The following PHF12 variants were observed in gnomAD, a reference collection of about 807,000 sequenced individuals.
The protein encoded by PHF12 is PHD finger protein 12, also known as PHD factor 1.
PHF12 carries 6 observed loss-of-function variants against 99.8 expected under a neutral mutation model. The ratio of observed to expected loss-of-function variants is 0.06; its 90% CI spans 0.03 to 0.12. PHF12 has a LOEUF of 0.12. Ranked by LOEUF, PHF12 falls within the 10% of genes least tolerant of loss-of-function variation. The pLI is 1.00. For missense variants in PHF12, 954 were observed against 1,300.1 expected (o/e 0.73, Z 4.09); for synonymous variants, 480 against 514.9 (o/e 0.93, Z 0.92).
chr17:28,912,365 A>G, intron 9 of PHF12, 117 bp downstream of exon 9: 1 of 1,433,946 alleles, frequency 7.0e-7, no homozygotes, highest in South Asian at 1.6e-5. Context: ...TAAGACAAAC[A>G]ATACAAAGGC....
Position 28,950,753 on chromosome 17 carries a change from G to A in PHF12, c.66+142C>T, listed in dbSNP as rs2040795718. 2 of 1,231,424 alleles carry A rather than the reference G, an allele frequency of 1.6e-6. No individual in the cohort carries two copies. Among genetic ancestry groups the A allele is most frequent in the Non-Finnish European group, 2.2e-6 (2 of 915,128 alleles). The allele number at this position is 1,231,424 out of a possible 1,614,324, so 76.3% of individuals were successfully genotyped here. A position where few individuals can be genotyped will look rare whatever the true frequency, so the allele number is the denominator to read the frequency against. On this transcript the variant is annotated intron_variant, in intron 1 of 14. Coordinates refer to ENST00000332830, the MANE Select transcript of PHF12 (RefSeq NM_001033561.2). The surrounding 1 kb of genome is among the most constrained non-coding windows in gnomAD (Gnocchi z 5.7). ...TGAGCTCAGCCCCCTAAATTGCAAA[G>A]AGGGGAGGGAGAGGCTAGGTGAGGA...
intron 2 of PHF12, among the ~76,000 whole-genome samples, chr17:28,933,269 T>G (rs913868972): frequency 2.6e-5 from 4 of 152,246 alleles, no homozygotes; most frequent in African/African-American, 9.6e-5. Context: ...TTTCTTAAAC[T>G]AAAGCCTAGA....
chr17:28,919,219 A>G lies in PHF12; in HGVS notation c.893T>C (p.Met298Thr), dbSNP rs368539757. ...QCDYCPLLFH[M>T]DCLEPPLTAM... Reference sequence around the variant, plus strand: ...AGTGAGCGGCGGCTCGAGGCAATCCATGTGAAACAGGAGAGGGCAATAGTC... The same window carrying G: ...AGTGAGCGGCGGCTCGAGGCAATCCGTGTGAAACAGGAGAGGGCAATAGTC... The change falls in exon 6 of 15, where the codon ATG (methionine) becomes ACG (threonine). Residue 298 changes from methionine to threonine, a missense_variant. Met to Thr is a moderately conservative substitution (Grantham distance 81). Coordinates refer to ENST00000332830, the MANE Select transcript of PHF12 (RefSeq NM_001033561.2). 1 of 1,614,104 alleles carries G rather than the reference A, an allele frequency of 6.2e-7. No individual in the cohort carries two copies. Among genetic ancestry groups the G allele is most frequent in the Non-Finnish European group, 8.5e-7 (1 of 1,180,038 alleles).
chr17:28,907,695 G>A, intron 12 of PHF12, 23 bp from the exon 13 acceptor site: 1 of 1,604,280 alleles, frequency 6.2e-7, no homozygotes, highest in Non-Finnish European at 8.5e-7. Flanking sequence ...AGGAGTAGAG[G>A]AAAAGGAAGG....
At position 28,924,199 on chromosome 17, in the gene PHF12, G is replaced by A; in HGVS notation, c.425C>T (p.Ser142Leu). 1.9e-6 allele frequency: 3 copies of A among 1,614,210 alleles called. No homozygotes were observed. Among genetic ancestry groups the A allele is most frequent in the Non-Finnish European group, 2.5e-6 (3 of 1,180,036 alleles). Reference sequence around the variant, plus strand: ...GGCCTTTAGTTCAGTTTTGCTGGCCGATCTGTCCAACAAGTCAGTGTCACT... The same window carrying A: ...GGCCTTTAGTTCAGTTTTGCTGGCCAATCTGTCCAACAAGTCAGTGTCACT... ...PSSDTDLLDRSASKTELKAIA... is the reference protein window; with the variant it reads ...PSSDTDLLDRLASKTELKAIA... The change falls in exon 4 of 15, where the codon TCG (serine) becomes TTG (leucine). Residue 142 changes from serine (S) to leucine (L), a missense_variant. Physicochemically the swap from Ser to Leu is moderately radical, Grantham distance 145 (BLOSUM62 -2). Coordinates refer to ENST00000332830, the MANE Select transcript of PHF12 (RefSeq NM_001033561.2).
chr17:28,930,659 G>C (rs1163772697), intron 2 of PHF12, among the ~76,000 whole-genome samples: 2 of 152,166 alleles, frequency 1.3e-5, no homozygotes, highest in Non-Finnish European at 2.9e-5. Context: ...TAAACAATTT[G>C]ATTTTCAATA....
intron 8 of PHF12, 72 bp from the exon 9 acceptor site, chr17:28,913,349 G>A (rs1457688780): frequency 1.5e-5 from 23 of 1,531,860 alleles, no homozygotes; most frequent in Non-Finnish European, 2.6e-6. Flanking sequence ...CAGTGGCCAG[G>A]GCTGCAGCAG....
In PHF12 at chr17:28,950,014, T is replaced by C. The variant is rs1471463665; in HGVS notation, c.248+51A>G. The C allele has an allele frequency of 6.7e-7, 1 of 1,488,962 alleles. No individual in the cohort carries two copies. The highest frequency in any genetic ancestry group is 9.0e-7 in the Non-Finnish European group (1 of 1,110,664). The allele number at this position is 1,488,962 out of a possible 1,614,324, so 92.2% of individuals were successfully genotyped here. A position where few individuals can be genotyped will look rare whatever the true frequency, so the allele number is the denominator to read the frequency against. ...GTCAGGGGCAGGCCGGGTGAAGGAATGCGCAGAGAAGGGTCCGCCAAGAAG... is the reference window on the plus strand; with the variant it reads ...GTCAGGGGCAGGCCGGGTGAAGGAACGCGCAGAGAAGGGTCCGCCAAGAAG... On this transcript the variant is annotated intron_variant, in intron 2 of 14. Transcript: ENST00000332830. This position sits in a 1 kb window ranked among gnomAD's most constrained non-coding sequence, Gnocchi z 5.7.
chr17:28,931,141 T>A (rs1380509722), intron 2 of PHF12, among the ~76,000 whole-genome samples: 1 of 152,160 alleles, frequency 6.6e-6, no homozygotes, highest in Non-Finnish European at 1.5e-5. Flanking sequence ...GCTCCCTTTG[T>A]TAAGCCTGCC....
chr17:28,932,917 G>C (rs1358849306), intron 2 of PHF12, among the ~76,000 whole-genome samples: 2 of 148,592 alleles, frequency 1.3e-5, no homozygotes, highest in Admixed American at 1.3e-4. Flanking sequence ...CTGCACTCTA[G>C]CCTGGGTGAC....
At chr17:28,918,356 A>G (rs930782951) in intron 6 of PHF12, among the ~76,000 whole-genome samples, 1 of 152,320 alleles carries the variant, frequency 6.6e-6, no homozygotes, top group Middle Eastern at 3.4e-3. Flanking sequence ...GCAAAACAAG[A>G]CTAGATTTTC....
intron 3 of PHF12, chr17:28,924,706 T>G (rs1433611773): frequency 7.4e-6 from 2 of 270,940 alleles, no homozygotes; most frequent in African/African-American, 4.6e-5. Flanking sequence ...ATCCCAGCAC[T>G]TTGGGAGGCC....
chr17:28,910,489 C>T, intron 10 of PHF12, 120 bp from the exon 11 acceptor site: 1 of 1,232,508 alleles, frequency 8.1e-7, no homozygotes. Context: ...GATTTTTACT[C>T]AAACAGCATT....
In PHF12 at chr17:28,915,698, A is replaced by G. The variant is rs1448508556; in HGVS notation, c.1134+1587T>C. ...AGAGAAATTCGCAACGAAGATACAA[A>G]GTTCTCAGCAGATTTTTCCTGAATT... On this transcript the variant is annotated intron_variant, in intron 7 of 14. Coordinates refer to ENST00000332830, the MANE Select transcript of PHF12 (RefSeq NM_001033561.2). Among the ~76,000 whole-genome samples the G allele has an allele frequency of 2.0e-5, 3 of 152,214 alleles. No individual in the cohort carries two copies. In the East Asian group the frequency reaches 5.8e-4, roughly 29 times the overall value.
chr17:28,936,537 G>A (rs962903736), intron 2 of PHF12, among the ~76,000 whole-genome samples: 6 of 152,176 alleles, frequency 3.9e-5, no homozygotes, highest in African/African-American at 1.4e-4. Flanking sequence ...TCTTCCAAAA[G>A]AGGTCAGTCA....
At chr17:28,940,674 T>C (rs1190189429) in intron 2 of PHF12, among the ~76,000 whole-genome samples, 2 of 152,222 alleles carry the variant, frequency 1.3e-5, no homozygotes, top group African/African-American at 2.4e-5. Flanking sequence ...GATAAGGATT[T>C]TGATATCTGG....
chr17:28,951,291 G>C lies in PHF12; in HGVS notation c.-331C>G. 1 of 1,126,814 alleles carries C rather than the reference G, an allele frequency of 8.9e-7. No homozygotes were observed. Among genetic ancestry groups the C allele is most frequent in the Non-Finnish European group, 1.1e-6 (1 of 917,240 alleles). The allele number at this position is 1,126,814 out of a possible 1,614,324, so 69.8% of individuals were successfully genotyped here. A position where few individuals can be genotyped will look rare whatever the true frequency, so the allele number is the denominator to read the frequency against. On this transcript the variant is annotated 5_prime_UTR_variant, in exon 1 of 15. Transcript: ENST00000332830. ...GGCGACAGCCGGTCCGGCCGGGAAG[G>C]CTGGCGGGCGCTGCCATCCCGGGGC...
chr17:28,942,610 G>A (rs1250746113), intron 2 of PHF12, among the ~76,000 whole-genome samples: 1 of 152,066 alleles, frequency 6.6e-6, no homozygotes, highest in Admixed American at 6.5e-5. Context: ...GAGGTCAGGA[G>A]TTTGAGACCA....
At position 28,949,340 on chromosome 17, in the gene PHF12, C is replaced by T. The variant is rs1355403619; in HGVS notation, c.248+725G>A. On this transcript the variant is annotated intron_variant, in intron 2 of 14. Transcript: ENST00000332830. This position sits in a 1 kb window ranked among gnomAD's most constrained non-coding sequence, Gnocchi z 4.6. Reference sequence around the variant, plus strand: ...AGAGGGAGGAGGAAGGAAGGCAGCTCTGAGAGGCAACAGGGGGCAAGCGGA... The same window carrying T: ...AGAGGGAGGAGGAAGGAAGGCAGCTTTGAGAGGCAACAGGGGGCAAGCGGA... 6.6e-6 allele frequency among the ~76,000 whole-genome samples: 1 copy of T among 152,062 alleles called. No individual in the cohort carries two copies. The highest frequency in any genetic ancestry group is 1.5e-5 in the Non-Finnish European group (1 of 68,000).
Sources: allele counts gnomAD v4.1 joint callset (sites outside exome capture counted in the v4.1 genomes callset), GRCh38; gene constraint gnomAD v4.1.1; non-coding constraint Gnocchi (gnomAD v3.1); transcripts MANE v1.5; gene names NCBI Gene and HGNC (gene_info 2026-07-23, HGNC 2026-07-21).